Variants in TACR3 observed in about 807,000 individuals in gnomAD.
TACR3 encodes the protein neuromedin-K receptor.
A neutral mutation model predicts 35.0 loss-of-function variants in TACR3; 34 were observed. That is an observed-to-expected ratio of 0.97 (90% CI 0.74 to 1.30). The LOEUF is 1.30. Ranked by LOEUF, TACR3 falls within the 50% of genes most tolerant of loss-of-function variation. TACR3 has a pLI of 0.00. For missense variants in TACR3, 558 were observed against 591.7 expected (o/e 0.94, Z 0.59); for synonymous variants, 233 against 221.1 (o/e 1.05, Z -0.48).
chr4:103,631,934 T>TTATC (rs1179808238), intron 3 of TACR3, among the ~76,000 whole-genome samples: 2 of 152,210 alleles, frequency 1.3e-5, no homozygotes, highest in African/African-American at 4.8e-5. Context: ...TATTTTTGAT[T>TTATC]TATCTTGTTC....
At chr4:103,638,979 T>G (rs900186106) in intron 3 of TACR3, among the ~76,000 whole-genome samples, 3 of 152,156 alleles carry the variant, frequency 2.0e-5, no homozygotes, top group African/African-American at 4.8e-5. Flanking sequence ...GGAACACTTT[T>G]ACACTGTTGG....
chr4:103,639,081 C>T (rs1725281477), intron 3 of TACR3, among the ~76,000 whole-genome samples: 3 of 152,026 alleles, frequency 2.0e-5, no homozygotes, highest in Admixed American at 6.6e-5. Flanking sequence ...CCAGCCATCC[C>T]ATTACTGGGT....
chr4:103,708,479 G>A (rs1182180016), intron 1 of TACR3, among the ~76,000 whole-genome samples: 3 of 152,076 alleles, frequency 2.0e-5, no homozygotes, highest in Admixed American at 2.0e-4. Flanking sequence ...CAAATAGAAA[G>A]GACATCCGCA....
rs115327301 is a variant in TACR3 at position 103,707,388 on chromosome 4, A to C, written c.548+11740T>G. ...CAAATTTACTTTGGCATGACTTCATATATATAACAACCTGGTCTTGTTTTA... is the reference window on the plus strand; with the variant it reads ...CAAATTTACTTTGGCATGACTTCATCTATATAACAACCTGGTCTTGTTTTA... On this transcript the variant is annotated intron_variant, in intron 1 of 4. Transcript: ENST00000304883. Among the ~76,000 whole-genome samples the C allele has an allele frequency of 5.7e-3, 871 of 152,346 alleles. 7 individuals carry two copies. The highest frequency in any genetic ancestry group is 0.02 in the African/African-American group (823 of 41,578).
At chr4:103,699,458 G>C (rs1016735172) in intron 1 of TACR3, among the ~76,000 whole-genome samples, 3 of 152,150 alleles carry the variant, frequency 2.0e-5, no homozygotes, top group Non-Finnish European at 4.4e-5. Flanking sequence ...TACCCTGAGA[G>C]AGCTAAGGAG....
At chr4:103,681,214 C>A (rs750289330) in intron 1 of TACR3, among the ~76,000 whole-genome samples, 8 of 151,988 alleles carry the variant, frequency 5.3e-5, no homozygotes, top group Non-Finnish European at 1.2e-4. Flanking sequence ...GTATTCCACA[C>A]ACCCCAACAA....
intron 3 of TACR3, among the ~76,000 whole-genome samples, chr4:103,598,865 T>C (rs1180687552): frequency 6.6e-6 from 1 of 152,192 alleles, no homozygotes; most frequent in Non-Finnish European, 1.5e-5. Context: ...AGCCTTGTAG[T>C]ATAGTTTGAA....
intron 1 of TACR3, among the ~76,000 whole-genome samples, chr4:103,666,297 TA>T (rs1487380202): frequency 1.3e-5 from 2 of 151,982 alleles, no homozygotes; most frequent in African/African-American, 4.8e-5. Flanking sequence ...AGTGGGGGCT[TA>T]TTTAGGGTGA....
intron 1 of TACR3, among the ~76,000 whole-genome samples, chr4:103,666,317 A>C (rs1227688801): frequency 6.6e-6 from 1 of 152,102 alleles, no homozygotes; most frequent in Admixed American, 6.6e-5. Context: ...GAAGGTGGGA[A>C]TGAGAGAAGG....
chr4:103,699,771 G>A (rs761232092), intron 1 of TACR3, among the ~76,000 whole-genome samples: 3 of 152,064 alleles, frequency 2.0e-5, no homozygotes, highest in Non-Finnish European at 4.4e-5. Context: ...TTGACCTGAG[G>A]CTCATATTTT....
chr4:103,650,792 T>TA (rs576298090), intron 3 of TACR3, among the ~76,000 whole-genome samples: 3 of 30,894 alleles, frequency 9.7e-5, no homozygotes, highest in African/African-American at 1.6e-4. Flanking sequence ...ATATATGATA[T>TA]ATATATTTTA....
chr4:103,629,872 C>CAAAAAAAAAAAAA (rs1157154870), intron 3 of TACR3, among the ~76,000 whole-genome samples: 1 of 104,122 alleles, frequency 9.6e-6, no homozygotes, highest in African/African-American at 3.8e-5. Flanking sequence ...AAAAAAAAAA[C>CAAAAAAAAAAAAA]AAAAAAAACA....
At chr4:103,655,462 A>G (rs1021940189) in intron 3 of TACR3, among the ~76,000 whole-genome samples, 1 of 152,148 alleles carries the variant, frequency 6.6e-6, no homozygotes, top group Non-Finnish European at 1.5e-5. Context: ...AAAGGATGGA[A>G]TGTGTTTCCT....
chr4:103,638,728 T>G (rs1296807457), intron 3 of TACR3, among the ~76,000 whole-genome samples: 1 of 151,930 alleles, frequency 6.6e-6, no homozygotes, highest in African/African-American at 2.4e-5. Flanking sequence ...TACAATGAAC[T>G]CAAACAAATT....
intron 3 of TACR3, among the ~76,000 whole-genome samples, chr4:103,621,073 ATGT>A (rs1724766431): frequency 6.6e-6 from 1 of 152,164 alleles, no homozygotes; most frequent in African/African-American, 2.4e-5. Context: ...TACTTATATA[ATGT>A]TGTATGCCAC....
At chr4:103,601,013 T>C (rs11728298) in intron 3 of TACR3, among the ~76,000 whole-genome samples, 114,432 of 151,760 alleles carry the variant, frequency 0.75, 43,491 homozygotes, top group East Asian at 0.98. Context: ...CTTGGGTATC[T>C]TTGTTAACTT....
chr4:103,646,155 G>A (rs1439749723), intron 3 of TACR3, among the ~76,000 whole-genome samples: 5 of 152,006 alleles, frequency 3.3e-5, no homozygotes. Flanking sequence ...CATGTCCTTA[G>A]AACCCTTCCT....
chr4:103,599,821 G>T (rs959767158), intron 3 of TACR3, among the ~76,000 whole-genome samples: 5 of 152,092 alleles, frequency 3.3e-5, no homozygotes, highest in Non-Finnish European at 7.3e-5. Flanking sequence ...GATCATGGTG[G>T]ATAAACTTTT....
At chr4:103,637,100 C>T (rs1462581287) in intron 3 of TACR3, among the ~76,000 whole-genome samples, 1 of 152,146 alleles carries the variant, frequency 6.6e-6, no homozygotes, top group Non-Finnish European at 1.5e-5. Context: ...AGTCCAGCAT[C>T]ATCCTGATAC....
Sources: gnomAD v4.1 joint callset for allele counts (sites outside exome capture counted in the v4.1 genomes callset) on GRCh38, gnomAD v4.1.1 for gene constraint, MANE v1.5 for transcripts, NCBI Gene and HGNC (gene_info 2026-07-23, HGNC 2026-07-21) for gene names.